Variants in HMBOX1 observed in about 807,000 individuals in gnomAD.
HMBOX1 encodes homeobox-containing protein 1.
A neutral mutation model predicts 54.5 loss-of-function variants in HMBOX1; 14 were observed. The observed-to-expected ratio is 0.26, with a 90% CI of 0.17 to 0.40. The LOEUF is 0.40. Ranked by LOEUF, HMBOX1 falls within the 10% of genes least tolerant of loss-of-function variation. HMBOX1 has a pLI of 1.00. For synonymous variants in HMBOX1, 160 were observed against 181.0 expected (o/e 0.88, Z 0.93); for missense variants, 332 against 514.4 (o/e 0.65, Z 3.43).
chr8:29,048,824 A>G (rs1340382724), intron 8 of HMBOX1, 130 bp from the exon 9 acceptor site: 4 of 681,360 alleles, frequency 5.9e-6, no homozygotes, highest in Non-Finnish European at 1.0e-5. Flanking sequence ...AAAAGAAACA[A>G]ATGTAGAGAA....
At chr8:28,910,046 C>T (rs1395313268) in intron 1 of HMBOX1, among the ~76,000 whole-genome samples, 2 of 152,116 alleles carry the variant, frequency 1.3e-5, no homozygotes, top group Non-Finnish European at 2.9e-5. Flanking sequence ...TACTTAATCC[C>T]TATTCCTAGC....
chr8:28,915,203 A>G (rs1010874160), intron 1 of HMBOX1, among the ~76,000 whole-genome samples: 6 of 152,194 alleles, frequency 3.9e-5, no homozygotes. Context: ...TAAAATTTAA[A>G]TATTCTAGTT....
intron 6 of HMBOX1, among the ~76,000 whole-genome samples, chr8:29,043,715 T>C (rs1050110541): frequency 6.6e-6 from 1 of 152,216 alleles, no homozygotes; most frequent in Non-Finnish European, 1.5e-5. Context: ...GATTCTGCCA[T>C]TCTAACTGGC....
intron 1 of HMBOX1, among the ~76,000 whole-genome samples, chr8:28,942,925 A>G (rs746622925): frequency 1.3e-5 from 2 of 152,078 alleles, no homozygotes; most frequent in African/African-American, 4.8e-5. Flanking sequence ...GGATCCTGCT[A>G]CCTTTTCAGT....
chr8:29,024,313 G>T (rs1323604692), intron 6 of HMBOX1, among the ~76,000 whole-genome samples: 1 of 152,172 alleles, frequency 6.6e-6, no homozygotes, highest in Non-Finnish European at 1.5e-5. Context: ...CTGAGAAAAG[G>T]CATTATAATG....
In HMBOX1 at chr8:28,970,389, C is replaced by T; in HGVS notation, c.370C>T (p.Arg124Ter). 2 of 1,614,016 alleles carry T rather than the reference C, an allele frequency of 1.2e-6. No individual in the cohort carries two copies. The highest frequency in any genetic ancestry group is 1.7e-6 in the Non-Finnish European group (2 of 1,179,934). The stretch of plus-strand genomic sequence containing the variant: ...TCAAAATGGGAGGGAGAATAATGAG[C>T]GATTATCTACATCCAATGGAAAGAT... ...TNQNGRENNE[R>*]LSTSNGKMSP... Residue 124 changes from arginine to a stop codon, truncating the protein, a stop_gained, in exon 3 of 10, where the codon CGA becomes TGA. Coordinates refer to ENST00000287701, the MANE Select transcript of HMBOX1 (RefSeq NM_001135726.3). LOFTEE classifies it high-confidence loss of function. The surrounding 1 kb of genome is among the most constrained non-coding windows in gnomAD (Gnocchi z 4.3).
chr8:29,022,434 A>G (rs531746220), intron 6 of HMBOX1, among the ~76,000 whole-genome samples: 3 of 152,128 alleles, frequency 2.0e-5, no homozygotes. Context: ...AAAAAGAAGA[A>G]TCTTAAAGAT....
chr8:29,028,735 TATG>T (rs1326756926), intron 6 of HMBOX1, among the ~76,000 whole-genome samples: 7 of 152,338 alleles, frequency 4.6e-5, no homozygotes, highest in African/African-American at 1.7e-4. Flanking sequence ...TGAGTGATGA[TATG>T]ATGATCTGCA....
At chr8:28,932,010 G>A (rs1319191794) in intron 1 of HMBOX1, among the ~76,000 whole-genome samples, 1 of 152,198 alleles carries the variant, frequency 6.6e-6, no homozygotes, top group East Asian at 1.9e-4. Flanking sequence ...GTAAGTGCTA[G>A]AAGCATATAA....
At chr8:28,952,586 TAA>T (rs1563455252) in intron 1 of HMBOX1, among the ~76,000 whole-genome samples, 2 of 152,104 alleles carry the variant, frequency 1.3e-5, no homozygotes, top group East Asian at 3.8e-4. Context: ...TGCTGATTTT[TAA>T]AAAGGCTGAC....
chr8:29,048,697 A>C (rs920073477), intron 8 of HMBOX1: 6 of 377,508 alleles, frequency 1.6e-5, no homozygotes, highest in Non-Finnish European at 2.9e-5. Context: ...AAGACTGTTT[A>C]GTTAGTTAGC....
chr8:28,975,232 A>G (rs142720306), intron 3 of HMBOX1, among the ~76,000 whole-genome samples: 1 of 152,344 alleles, frequency 6.6e-6, no homozygotes, highest in Non-Finnish European at 1.5e-5. Flanking sequence ...TTTACAGGGT[A>G]GTAGGAGAGA....
intron 4 of HMBOX1, among the ~76,000 whole-genome samples, chr8:28,990,355 A>G (rs1830803379): frequency 6.6e-6 from 1 of 152,090 alleles, no homozygotes; most frequent in Non-Finnish European, 1.5e-5. Context: ...TTTCAAGGAA[A>G]GCTTCTATTT....
intron 1 of HMBOX1, among the ~76,000 whole-genome samples, chr8:28,909,179 G>A (rs543877831): frequency 6.6e-6 from 1 of 151,966 alleles, no homozygotes; most frequent in African/African-American, 2.4e-5. Flanking sequence ...TTTTTTAAAG[G>A]TTAGTTTGAC....
chr8:28,964,420 G>A (rs1484396721), intron 2 of HMBOX1, among the ~76,000 whole-genome samples: 1 of 152,110 alleles, frequency 6.6e-6, no homozygotes, highest in African/African-American at 2.4e-5. Flanking sequence ...TTGAGATAGT[G>A]GTATTGTGTT....
At chr8:28,995,828 C>T (rs1007029845) in intron 4 of HMBOX1, among the ~76,000 whole-genome samples, 5 of 152,094 alleles carry the variant, frequency 3.3e-5, no homozygotes, top group Admixed American at 6.5e-5. Context: ...TTTGGCTGGG[C>T]GCGGTGGCTC....
intron 6 of HMBOX1, among the ~76,000 whole-genome samples, chr8:29,020,443 A>C (rs555228649): frequency 1.3e-5 from 2 of 152,248 alleles, no homozygotes; most frequent in South Asian, 4.1e-4. Context: ...AGGGATTCTT[A>C]TTTTCCTTGG....
At chr8:28,933,468 A>G (rs1176978750) in intron 1 of HMBOX1, among the ~76,000 whole-genome samples, 3 of 152,238 alleles carry the variant, frequency 2.0e-5, no homozygotes, top group Non-Finnish European at 2.9e-5. Context: ...AACATTAATC[A>G]ATAAAATAGA....
chr8:29,040,893 A>G (rs1448819282), intron 6 of HMBOX1, among the ~76,000 whole-genome samples: 1 of 152,156 alleles, frequency 6.6e-6, no homozygotes, highest in Non-Finnish European at 1.5e-5. Flanking sequence ...CTCAGTACAA[A>G]AATTATGTAT....
Sources: allele counts gnomAD v4.1 joint callset (sites outside exome capture counted in the v4.1 genomes callset), GRCh38; gene constraint gnomAD v4.1.1; non-coding constraint Gnocchi (gnomAD v3.1); transcripts MANE v1.5; gene names NCBI Gene and HGNC (gene_info 2026-07-23, HGNC 2026-07-21).